Variants in FOXN3 observed in about 807,000 individuals in gnomAD.
The protein encoded by FOXN3 is forkhead box N3.
In FOXN3, 7 loss-of-function variants were observed where a neutral mutation model predicts 38.4. The observed-to-expected ratio is 0.18, with a 90% CI of 0.10 to 0.34. FOXN3 has a LOEUF of 0.34. Among genes scored for constraint, FOXN3 ranks in the 10% least tolerant of loss-of-function variants. The pLI is 1.00. For synonymous variants in FOXN3, 230 were observed against 242.2 expected (o/e 0.95, Z 0.47); for missense variants, 456 against 613.4 (o/e 0.74, Z 2.71).
intron 4 of FOXN3, among the ~76,000 whole-genome samples, chr14:89,257,933 G>A (rs1885676268): frequency 6.6e-6 from 1 of 152,170 alleles, no homozygotes; most frequent in Non-Finnish European, 1.5e-5. Flanking sequence ...GAAGACAATG[G>A]TGTGAGCATT....
rs577991263 is a variant in FOXN3 at position 89,511,013 on chromosome 14, T to C, written c.-14-98523A>G. Among the ~76,000 whole-genome samples the C allele has an allele frequency of 6.6e-5, 10 of 151,904 alleles. No homozygotes were observed. The South Asian group carries it at 1.7e-3, about 25-fold the overall frequency. On this transcript the variant is annotated intron_variant, in intron 1 of 6. Transcript: ENST00000345097. Reference sequence around the variant, plus strand: ...CCAAAGGCTTCTTCTCCTGTTCCATTACAAAAGTGCATGCCTGACCAATGC... The same window carrying C: ...CCAAAGGCTTCTTCTCCTGTTCCATCACAAAAGTGCATGCCTGACCAATGC...
intron 1 of FOXN3, among the ~76,000 whole-genome samples, chr14:89,485,214 C>T (rs1007973592): frequency 1.3e-5 from 2 of 151,084 alleles, no homozygotes; most frequent in Non-Finnish European, 2.9e-5. Context: ...TAACAAAGGG[C>T]AGACCTGGGG....
chr14:89,575,240 T>C (rs1895583083), intron 1 of FOXN3, among the ~76,000 whole-genome samples: 1 of 152,210 alleles, frequency 6.6e-6, no homozygotes, highest in African/African-American at 2.4e-5. Flanking sequence ...AAGATCATAG[T>C]TAAGATCACT....
chr14:89,396,142 ACT>A (rs977009678), intron 2 of FOXN3, among the ~76,000 whole-genome samples: 10 of 152,240 alleles, frequency 6.6e-5, no homozygotes, highest in Non-Finnish European at 1.3e-4. Flanking sequence ...GTTAAAGCAT[ACT>A]CTCAAAGACT....
chr14:89,286,260 A>T (rs965924341), intron 3 of FOXN3, among the ~76,000 whole-genome samples: 3 of 152,180 alleles, frequency 2.0e-5, no homozygotes, highest in African/African-American at 7.2e-5. Context: ...GACTCTGAAG[A>T]AATGAATGAA....
At chr14:89,424,250 A>G (rs1891976239) in intron 1 of FOXN3, among the ~76,000 whole-genome samples, 1 of 152,182 alleles carries the variant, frequency 6.6e-6, no homozygotes, top group African/African-American at 2.4e-5. Flanking sequence ...TCATTTTCAC[A>G]TTCTCAGAGA....
chr14:89,209,416 A>G (rs17125528), intron 4 of FOXN3, among the ~76,000 whole-genome samples: 8,028 of 152,336 alleles, frequency 0.053, 538 homozygotes, highest in African/African-American at 0.15. Context: ...AGCACCAGCT[A>G]ATTCCTTCCC....
intron 1 of FOXN3, among the ~76,000 whole-genome samples, chr14:89,610,049 G>A (rs964589988): frequency 6.6e-6 from 1 of 152,002 alleles, no homozygotes; most frequent in Admixed American, 6.5e-5. Context: ...CCATTTTTCA[G>A]GCTGAAAAAC....
chr14:89,167,391 T>A (rs1365133087), intron 5 of FOXN3, among the ~76,000 whole-genome samples: 1 of 152,128 alleles, frequency 6.6e-6, no homozygotes, highest in Non-Finnish European at 1.5e-5. Flanking sequence ...GCACTAGGAG[T>A]CTCTCTGGAA....
At chr14:89,282,909 A>T (rs1210736309) in intron 3 of FOXN3, among the ~76,000 whole-genome samples, 1 of 152,200 alleles carries the variant, frequency 6.6e-6, no homozygotes, top group African/African-American at 2.4e-5. Flanking sequence ...ATACCTAAAG[A>T]TTCTTACAAC....
intron 3 of FOXN3, among the ~76,000 whole-genome samples, chr14:89,304,551 A>G (rs1887318489): frequency 6.6e-6 from 1 of 152,176 alleles, no homozygotes; most frequent in South Asian, 2.1e-4. Context: ...TTTTTTAGAA[A>G]TCAAGGAAAC....
intron 1 of FOXN3, among the ~76,000 whole-genome samples, chr14:89,415,847 T>TACATACACACAC (rs1284424954): frequency 7.1e-6 from 1 of 140,416 alleles, no homozygotes; most frequent in African/African-American, 2.8e-5. Flanking sequence ...AACTTTTCTC[T>TACATACACACAC]ACACACACAC....
intron 2 of FOXN3, among the ~76,000 whole-genome samples, chr14:89,405,793 C>A (rs1489128910): frequency 6.6e-6 from 1 of 152,114 alleles, no homozygotes; most frequent in African/African-American, 2.4e-5. Context: ...TCCCCTATAA[C>A]CCATATTCAC....
intron 3 of FOXN3, among the ~76,000 whole-genome samples, chr14:89,303,354 C>T (rs1218118771): frequency 1.3e-5 from 2 of 152,106 alleles, no homozygotes; most frequent in East Asian, 3.9e-4. Context: ...CTGTCTTATG[C>T]TGTCTCCTTT....
intron 4 of FOXN3, among the ~76,000 whole-genome samples, chr14:89,252,910 C>A (rs1378499401): frequency 6.6e-6 from 1 of 152,000 alleles, no homozygotes; most frequent in Non-Finnish European, 1.5e-5. Context: ...AGGTACTGTC[C>A]CAAAGGGTGG....
intron 3 of FOXN3, among the ~76,000 whole-genome samples, chr14:89,311,555 A>G (rs1028376364): frequency 2.9e-4 from 42 of 147,106 alleles, no homozygotes; most frequent in Non-Finnish European, 5.4e-4. Flanking sequence ...GGCCGGGTGC[A>G]GTGGCTCATG....
intron 4 of FOXN3, among the ~76,000 whole-genome samples, chr14:89,194,822 T>C (rs1404430237): frequency 6.6e-6 from 1 of 151,980 alleles, no homozygotes; most frequent in African/African-American, 2.4e-5. Flanking sequence ...AAATTATGTA[T>C]GTGAAAATAA....
At chr14:89,356,044 A>AG (rs1889208028) in intron 2 of FOXN3, among the ~76,000 whole-genome samples, 1 of 152,102 alleles carries the variant, frequency 6.6e-6, no homozygotes, top group Non-Finnish European at 1.5e-5. Context: ...AGGTATGAAA[A>AG]GAAAAAAAAA....
At chr14:89,346,985 G>A (rs1027282478) in intron 3 of FOXN3, among the ~76,000 whole-genome samples, 4 of 152,074 alleles carry the variant, frequency 2.6e-5, no homozygotes, top group Admixed American at 6.5e-5. Context: ...AACTTCAGGC[G>A]AATCCCTTTG....
Sources: allele counts gnomAD v4.1 joint callset (sites outside exome capture counted in the v4.1 genomes callset), GRCh38; gene constraint gnomAD v4.1.1; transcripts MANE v1.5; gene names NCBI Gene and HGNC (gene_info 2026-07-23, HGNC 2026-07-21).